Variants in TENM2 observed in about 807,000 individuals in gnomAD.
TENM2 encodes the protein teneurin-2.
Under a neutral mutation model 245.2 loss-of-function variants are expected in TENM2, and 52 were observed. That is an observed-to-expected ratio of 0.21 (90% CI 0.17 to 0.27). TENM2 has a LOEUF of 0.27. Among genes scored for constraint, TENM2 ranks in the 10% least tolerant of loss-of-function variants. TENM2 has a pLI of 1.00. For missense variants in TENM2, 3,046 were observed against 3,666.8 expected (o/e 0.83, Z 4.37); for synonymous variants, 1,363 against 1,438.9 (o/e 0.95, Z 1.19).
chr5:167,184,652 A>G, the TENM2 span, among the ~76,000 whole-genome samples: 4 of 152,096 alleles, frequency 2.6e-5, no homozygotes, highest in Admixed American at 2.6e-4. Flanking sequence ...TTAGAAGAGC[A>G]TTCCTATGCT....
intron 2 of TENM2, among the ~76,000 whole-genome samples, chr5:167,602,325 A>G (rs1776694181): frequency 6.6e-6 from 1 of 152,148 alleles, no homozygotes; most frequent in Admixed American, 6.5e-5. Flanking sequence ...CTTTTAACTC[A>G]CTGCCTCATA....
the TENM2 span, among the ~76,000 whole-genome samples, chr5:167,174,627 C>T: frequency 6.6e-6 from 1 of 152,088 alleles, no homozygotes. Context: ...TTCAATCAAG[C>T]AAATTAACAT....
At chr5:167,626,512 T>C (rs930561157) in intron 2 of TENM2, among the ~76,000 whole-genome samples, 1 of 152,156 alleles carries the variant, frequency 6.6e-6, no homozygotes, top group African/African-American at 2.4e-5. Flanking sequence ...CTTATAAACA[T>C]GAATTTTGCA....
chr5:167,032,387 C>A, the TENM2 span, among the ~76,000 whole-genome samples: 7 of 152,212 alleles, frequency 4.6e-5, no homozygotes, highest in African/African-American at 1.4e-4. Context: ...AAGGGTGAGT[C>A]ACAAAACAGT....
intron 2 of TENM2, among the ~76,000 whole-genome samples, chr5:167,725,400 T>G (rs1372262267): frequency 6.6e-6 from 1 of 152,194 alleles, no homozygotes; most frequent in African/African-American, 2.4e-5. Flanking sequence ...TTTGGAGATG[T>G]TTACATAATA....
chr5:168,058,257 C>A (rs1789729803), intron 6 of TENM2, among the ~76,000 whole-genome samples: 1 of 152,146 alleles, frequency 6.6e-6, no homozygotes, highest in Admixed American at 6.5e-5. Flanking sequence ...GGTTTTGTTA[C>A]AATACCCCAC....
At chr5:167,671,878 G>T (rs1156767824) in intron 2 of TENM2, among the ~76,000 whole-genome samples, 1 of 151,740 alleles carries the variant, frequency 6.6e-6, no homozygotes, top group African/African-American at 2.4e-5. Context: ...TGGAAGTTAT[G>T]AATTCTCTGG....
chr5:167,399,586 A>G (rs1015665397), intron 2 of TENM2, among the ~76,000 whole-genome samples: 2 of 152,110 alleles, frequency 1.3e-5, no homozygotes, highest in Non-Finnish European at 2.9e-5. Flanking sequence ...AATTAAGCAC[A>G]TTTCTTTGGA....
At chr5:167,429,717 C>T (rs1198668480) in intron 2 of TENM2, among the ~76,000 whole-genome samples, 1 of 150,658 alleles carries the variant, frequency 6.6e-6, no homozygotes, top group Non-Finnish European at 1.5e-5. Context: ...AGCGATTCTC[C>T]TGCCTCAGCC....
intron 5 of TENM2, among the ~76,000 whole-genome samples, chr5:168,025,526 T>C (rs1786535086): frequency 6.6e-6 from 1 of 152,172 alleles, no homozygotes; most frequent in Non-Finnish European, 1.5e-5. Context: ...CAACAGAGAC[T>C]GAAAATTGAA....
chr5:167,068,951 C>A, the TENM2 span, among the ~76,000 whole-genome samples: 3 of 152,136 alleles, frequency 2.0e-5, no homozygotes, highest in African/African-American at 7.2e-5. Flanking sequence ...TGCAAAATAG[C>A]TTGAGTATTC....
intron 3 of TENM2, among the ~76,000 whole-genome samples, chr5:167,945,654 C>T (rs569724008): frequency 3.3e-5 from 5 of 152,230 alleles, no homozygotes; most frequent in East Asian, 3.9e-4. Context: ...TCCCGTGTTC[C>T]GCTATGCAGT....
At chr5:167,807,324 T>G (rs1343491702) in intron 2 of TENM2, among the ~76,000 whole-genome samples, 1 of 151,900 alleles carries the variant, frequency 6.6e-6, no homozygotes, top group African/African-American at 2.4e-5. Context: ...GACCCATCCC[T>G]AAAGCAATTG....
chr5:167,286,654 C>T (rs146547453), intron 1 of TENM2, among the ~76,000 whole-genome samples: 6 of 152,222 alleles, frequency 3.9e-5, no homozygotes, highest in Admixed American at 2.6e-4. Context: ...GTCTCATTTA[C>T]GTTGTTCCTG....
chr5:168,082,078 T>C (rs1410798994), intron 7 of TENM2, among the ~76,000 whole-genome samples: 6 of 152,260 alleles, frequency 3.9e-5, no homozygotes, highest in African/African-American at 9.6e-5. Context: ...CAATCAGACG[T>C]AGATTTGGTC....
chr5:166,999,915 A>G, the TENM2 span, among the ~76,000 whole-genome samples: 1 of 152,164 alleles, frequency 6.6e-6, no homozygotes, highest in East Asian at 1.9e-4. Flanking sequence ...GAACACTGGA[A>G]AATACCAGCA....
intron 2 of TENM2, among the ~76,000 whole-genome samples, chr5:167,709,014 G>A (rs1190239002): frequency 2.6e-5 from 4 of 152,082 alleles, no homozygotes; most frequent in Non-Finnish European, 4.4e-5. Flanking sequence ...TCACACAGAT[G>A]CCTCAAACTG....
chr5:168,077,538 A>G (rs924830508), intron 7 of TENM2, among the ~76,000 whole-genome samples: 1 of 151,892 alleles, frequency 6.6e-6, no homozygotes, highest in Non-Finnish European at 1.5e-5. Context: ...TTAACTAGTC[A>G]TTTACATTAG....
the TENM2 span, among the ~76,000 whole-genome samples, chr5:166,983,592 A>AT: frequency 1.3e-5 from 2 of 152,212 alleles, no homozygotes; most frequent in South Asian, 2.1e-4. Flanking sequence ...CCCCATAAAG[A>AT]TTTTTTTCTA....
Sources: allele counts gnomAD v4.1 joint callset (sites outside exome capture counted in the v4.1 genomes callset), GRCh38; gene constraint gnomAD v4.1.1; transcripts MANE v1.5; gene names NCBI Gene and HGNC (gene_info 2026-07-23, HGNC 2026-07-21).